The following KCNMA1 variants were observed in gnomAD, a reference collection of about 807,000 sequenced individuals.
KCNMA1 encodes the protein potassium calcium-activated channel subfamily M alpha 1.
A neutral mutation model predicts 140.0 loss-of-function variants in KCNMA1; 29 were observed. The observed-to-expected ratio is 0.21, with a 90% CI of 0.15 to 0.28. The LOEUF is 0.28. Among genes scored for constraint, KCNMA1 ranks in the 10% least tolerant of loss-of-function variants. The pLI, the probability that KCNMA1 is intolerant of heterozygous loss-of-function variation, is 1.00. For missense variants in KCNMA1, 880 were observed against 1,602.2 expected (o/e 0.55, Z 7.70); for synonymous variants, 612 against 611.9 (o/e 1.00, Z 0.00).
At chr10:77,113,573 C>T (rs1038921609) in intron 6 of KCNMA1, among the ~76,000 whole-genome samples, 28 of 152,274 alleles carry the variant, frequency 1.8e-4, no homozygotes, top group Non-Finnish European at 8.8e-5. Flanking sequence ...AAGCAATTCT[C>T]CTGCCTTAGC....
intron 3 of KCNMA1, among the ~76,000 whole-genome samples, chr10:77,234,889 T>C (rs1252063356): frequency 6.6e-6 from 1 of 152,234 alleles, no homozygotes; most frequent in Non-Finnish European, 1.5e-5. Flanking sequence ...GGAGGAATTT[T>C]CTTCCTGTTC....
At chr10:76,984,826 A>G (rs1327428577) in intron 19 of KCNMA1, among the ~76,000 whole-genome samples, 1 of 152,208 alleles carries the variant, frequency 6.6e-6, no homozygotes, top group Non-Finnish European at 1.5e-5. Context: ...AAACCTTAGC[A>G]ATTGAGGGGC....
At chr10:76,928,549 A>G (rs2058421858) in intron 23 of KCNMA1, among the ~76,000 whole-genome samples, 1 of 152,188 alleles carries the variant, frequency 6.6e-6, no homozygotes, top group African/African-American at 2.4e-5. Flanking sequence ...TGAATTCATT[A>G]AACTACTTTG....
At chr10:77,006,965 T>C (rs1201684276) in intron 18 of KCNMA1, among the ~76,000 whole-genome samples, 22 of 152,030 alleles carry the variant, frequency 1.4e-4, no homozygotes, top group Admixed American at 1.4e-3. Context: ...CACTGATGAC[T>C]AACCAAAATC....
intron 2 of KCNMA1, among the ~76,000 whole-genome samples, chr10:77,259,215 G>T (rs1216925303): frequency 6.6e-6 from 1 of 152,136 alleles, no homozygotes; most frequent in East Asian, 1.9e-4. Context: ...TGAAAGAAAG[G>T]AAGAAGAAAG....
chr10:77,312,158 G>A (rs2079485397), intron 2 of KCNMA1, among the ~76,000 whole-genome samples: 1 of 152,200 alleles, frequency 6.6e-6, no homozygotes, highest in African/African-American at 2.4e-5. Flanking sequence ...GGCAGGGAGT[G>A]GGACAGAAGC....
At chr10:76,911,840 T>C (rs980555017) in intron 24 of KCNMA1, 1 of 152,200 alleles carries the variant, frequency 6.6e-6, no homozygotes, top group Non-Finnish European at 1.5e-5. Context: ...AATCAGAAAA[T>C]GTAAACTGGA....
chr10:77,118,152 G>A (rs1171900017), intron 6 of KCNMA1, among the ~76,000 whole-genome samples: 1 of 152,186 alleles, frequency 6.6e-6, no homozygotes, highest in Non-Finnish European at 1.5e-5. Context: ...CCGCCAAAGA[G>A]AGCCAGACAA....
rs1165776468 is a variant in KCNMA1, at chr10:77,001,580, G to C, written c.2093C>G (p.Pro698Arg). 2 of 1,550,048 alleles carry C rather than the reference G, an allele frequency of 1.3e-6. No individual in the cohort carries two copies. Among genetic ancestry groups the C allele is most frequent in the Non-Finnish European group, 1.7e-6 (2 of 1,145,422 alleles). The change falls in exon 19 of 28, where the codon CCC (proline) becomes CGC (arginine). Residue 698 changes from proline (P) to arginine (R), a missense_variant and splice_region_variant. By Grantham distance (103) the Pro-to-Arg change is moderately radical. Coordinates refer to ENST00000286628, the MANE Select transcript of KCNMA1 (RefSeq NM_001161352.2). ...KRIKKCGCKR[P>R]KMSIYKRMRR... is the part of the protein sequence containing the mutation. ...CATTCTCTTGTAGATGGACATCTTG[G>C]CTATAACCGTGTGGTTGGATGGGAG...
At chr10:77,559,653 G>A (rs971359269) in intron 1 of KCNMA1, among the ~76,000 whole-genome samples, 1 of 152,104 alleles carries the variant, frequency 6.6e-6, no homozygotes, top group Non-Finnish European at 1.5e-5. Context: ...TAGCCCTTCA[G>A]GTATTGTATC....
chr10:76,877,989 A>G (rs1158756920), intron 29 of KCNMA1: 70 of 1,196,042 alleles, frequency 5.9e-5, no homozygotes, highest in Non-Finnish European at 8.4e-5. Flanking sequence ...AAAACGCAAA[A>G]AGGTAATCGA....
chr10:77,483,047 G>C (rs1477344721), intron 1 of KCNMA1, among the ~76,000 whole-genome samples: 2 of 135,224 alleles, frequency 1.5e-5, no homozygotes, highest in East Asian at 2.3e-4. Context: ...CACACCCCTT[G>C]TTCTTCTGTG....
intron 18 of KCNMA1, among the ~76,000 whole-genome samples, chr10:77,004,114 A>G (rs2087511500): frequency 6.6e-6 from 1 of 152,142 alleles, no homozygotes; most frequent in Non-Finnish European, 1.5e-5. Flanking sequence ...CAGCATATGC[A>G]TAAAAAAGAA....
rs2153858651 is a variant in KCNMA1, at chr10:77,108,391, A to G, written c.1223+90T>C. On this transcript the variant is annotated intron_variant, in intron 9 of 27. Transcript: ENST00000286628. This position sits in a 1 kb window ranked among gnomAD's most constrained non-coding sequence, Gnocchi z 4.6. ...GGCAAACATTGCCTACATGCATGAA[A>G]CAAAGAAACAAGAGCCAAAAAAAAA... The G allele has an allele frequency of 6.4e-7, 1 of 1,559,266 alleles. No homozygotes were observed. The highest frequency in any genetic ancestry group is 2.3e-5 in the East Asian group (1 of 43,960).
intron 3 of KCNMA1, among the ~76,000 whole-genome samples, chr10:77,198,171 A>G (rs144085679): frequency 2.6e-5 from 4 of 152,310 alleles, no homozygotes; most frequent in African/African-American, 9.6e-5. Context: ...GATACACACC[A>G]TGGTTTCCTG....
At chr10:77,537,907 C>T (rs1024906082) in intron 1 of KCNMA1, among the ~76,000 whole-genome samples, 5 of 151,982 alleles carry the variant, frequency 3.3e-5, no homozygotes, top group Admixed American at 3.3e-4. Flanking sequence ...TGGGCTTCCA[C>T]GCCCGTTATG....
At chr10:77,330,866 A>G (rs766395274) in intron 2 of KCNMA1, among the ~76,000 whole-genome samples, 1 of 152,220 alleles carries the variant, frequency 6.6e-6, no homozygotes, top group Non-Finnish European at 1.5e-5. Flanking sequence ...CCTCACATGT[A>G]AAATGAAAAT....
chr10:77,495,416 C>T (rs74140170), intron 1 of KCNMA1, among the ~76,000 whole-genome samples: 4,680 of 152,282 alleles, frequency 0.031, 92 homozygotes, highest in African/African-American at 0.038. Context: ...ACCTCGGTCA[C>T]GACACCTTCC....
At chr10:77,062,752 C>T (rs567183964) in intron 14 of KCNMA1, among the ~76,000 whole-genome samples, 1 of 152,312 alleles carries the variant, frequency 6.6e-6, no homozygotes, top group East Asian at 1.9e-4. Context: ...CTAGGATAAG[C>T]TCATTTTACA....
Sources: allele counts gnomAD v4.1 joint callset (sites outside exome capture counted in the v4.1 genomes callset), GRCh38; gene constraint gnomAD v4.1.1; non-coding constraint Gnocchi (gnomAD v3.1); transcripts MANE v1.5; gene names NCBI Gene and HGNC (gene_info 2026-07-23, HGNC 2026-07-21).